KCNIP4: variants seen among roughly 807,000 people sequenced by gnomAD.
KCNIP4 encodes Kv channel-interacting protein 4.
In KCNIP4, 12 loss-of-function variants were observed where a neutral mutation model predicts 34.0. The ratio of observed to expected loss-of-function variants is 0.35; its 90% CI spans 0.23 to 0.57. The LOEUF (loss-of-function observed/expected upper bound fraction) is 0.57. KCNIP4 is among the 20% of genes least tolerant of loss of function. KCNIP4 has a pLI of 0.83. For synonymous variants in KCNIP4, 124 were observed against 102.2 expected, an observed-to-expected ratio of 1.21 and a Z score of -1.29; for missense variants, 238 against 311.7, an observed-to-expected ratio of 0.76 and a Z score of 1.78.
rs556559599 is a variant in KCNIP4, at chr4:20,897,335, A to C, written c.62-14626T>G. Among the ~76,000 whole-genome samples, 6 of 151,984 alleles carry C rather than the reference A, an allele frequency of 3.9e-5. No homozygotes were observed. The South Asian group carries it at 1.2e-3, about 32-fold the overall frequency. ...GTGCCTGAAATGTCTCCTCTCAAAA[A>C]TCTTCAAGATCTCTCCCTTACCTCC... On this transcript the variant is annotated intron_variant, in intron 1 of 8. Coordinates refer to ENST00000382152, the MANE Select transcript of KCNIP4 (RefSeq NM_025221.6).
chr4:21,472,748 CA>C (rs2109809429), intron 1 of KCNIP4, among the ~76,000 whole-genome samples: 1 of 152,260 alleles, frequency 6.6e-6, no homozygotes, highest in East Asian at 1.9e-4. Context: ...GATCTGTATT[CA>C]ATCCTTGGTT....
At chr4:20,961,840 G>C (rs185732858) in intron 1 of KCNIP4, among the ~76,000 whole-genome samples, 2 of 151,966 alleles carry the variant, frequency 1.3e-5, no homozygotes, top group African/African-American at 4.8e-5. Context: ...ACACAACTTG[G>C]GAATATCTGC....
intron 1 of KCNIP4, among the ~76,000 whole-genome samples, chr4:21,510,602 T>G (rs1380274083): frequency 6.6e-6 from 1 of 152,172 alleles, no homozygotes; most frequent in African/African-American, 2.4e-5. Context: ...ATTTACTGGT[T>G]GCTAGTTACT....
At chr4:21,551,362 A>G (rs1338902630) in intron 1 of KCNIP4, among the ~76,000 whole-genome samples, 1 of 152,090 alleles carries the variant, frequency 6.6e-6, no homozygotes, top group Non-Finnish European at 1.5e-5. Context: ...ATTTTACCAC[A>G]CTGAATAACT....
At chr4:21,575,895 C>T (rs1336570736) in intron 1 of KCNIP4, among the ~76,000 whole-genome samples, 5 of 152,126 alleles carry the variant, frequency 3.3e-5, no homozygotes, top group African/African-American at 1.2e-4. Context: ...GCAGACAACC[C>T]TTAGAATGGT....
chr4:21,443,807 C>T (rs1400760490), intron 1 of KCNIP4, among the ~76,000 whole-genome samples: 1 of 152,018 alleles, frequency 6.6e-6, no homozygotes, highest in East Asian at 1.9e-4. Flanking sequence ...GTCATTTGTG[C>T]CTGAAGGTCC....
intron 1 of KCNIP4, among the ~76,000 whole-genome samples, chr4:20,884,724 T>TC (rs1553911495): frequency 1.5e-4 from 22 of 150,652 alleles, no homozygotes; most frequent in Admixed American, 8.6e-4. Context: ...TTTTTTTTTT[T>TC]CAAGACAGAG....
chr4:21,400,522 T>TCCC, intron 1 of KCNIP4, among the ~76,000 whole-genome samples: 1 of 33,962 alleles, frequency 2.9e-5, no homozygotes, highest in African/African-American at 1.5e-4. Flanking sequence ...CCTCTTCTCT[T>TCCC]CTCTTCTCTT....
intron 1 of KCNIP4, among the ~76,000 whole-genome samples, chr4:21,917,151 T>C (rs1043734438): frequency 1.4e-5 from 2 of 147,378 alleles, no homozygotes; most frequent in African/African-American, 4.9e-5. Context: ...GTTTGTTTGT[T>C]TGAGACAGAG....
chr4:21,572,903 A>G (rs1740467793), intron 1 of KCNIP4, among the ~76,000 whole-genome samples: 1 of 152,178 alleles, frequency 6.6e-6, no homozygotes, highest in African/African-American at 2.4e-5. Context: ...CTGGGATTAT[A>G]GGCGTGAGCC....
chr4:21,860,716 C>G (rs1430042649), intron 1 of KCNIP4, among the ~76,000 whole-genome samples: 2 of 151,856 alleles, frequency 1.3e-5, no homozygotes, highest in Admixed American at 6.6e-5. Context: ...CATTTAGAGC[C>G]CAGATCTCAA....
chr4:21,771,375 G>T (rs1340341166), intron 1 of KCNIP4, among the ~76,000 whole-genome samples: 1 of 152,180 alleles, frequency 6.6e-6, no homozygotes, highest in Non-Finnish European at 1.5e-5. Context: ...CAAGTAGTGT[G>T]ATAACTCCAG....
At chr4:21,736,194 T>C (rs1436225903) in intron 1 of KCNIP4, among the ~76,000 whole-genome samples, 1 of 152,166 alleles carries the variant, frequency 6.6e-6, no homozygotes, top group Non-Finnish European at 1.5e-5. Flanking sequence ...TGGTCATGTA[T>C]ACTGAGTGAA....
intron 1 of KCNIP4, among the ~76,000 whole-genome samples, chr4:21,005,055 T>C (rs1738441304): frequency 6.6e-6 from 1 of 152,166 alleles, no homozygotes. Flanking sequence ...CTCATGTGAA[T>C]AGCAAAAGTA....
At chr4:21,865,310 AAAC>A (rs1725348807) in intron 1 of KCNIP4, among the ~76,000 whole-genome samples, 1 of 150,836 alleles carries the variant, frequency 6.6e-6, no homozygotes. Flanking sequence ...AAACACAAAC[AAAC>A]AAAAAAAAAA....
intron 1 of KCNIP4, among the ~76,000 whole-genome samples, chr4:21,346,444 C>A (rs1276319725): frequency 2.0e-5 from 3 of 149,182 alleles, no homozygotes; most frequent in Non-Finnish European, 4.4e-5. Flanking sequence ...TAAACCTAAC[C>A]AAGATTCGTA....
At chr4:20,730,234 C>G in intron 8 of KCNIP4, 105 bp from the exon 9 acceptor site, 1 of 1,363,258 alleles carries the variant, frequency 7.3e-7, no homozygotes, top group Admixed American at 2.6e-5. Context: ...CCTCAACCAC[C>G]TATGCCAAAA....
At chr4:21,712,028 G>A (rs1713768506) in intron 1 of KCNIP4, among the ~76,000 whole-genome samples, 1 of 152,056 alleles carries the variant, frequency 6.6e-6, no homozygotes, top group African/African-American at 2.4e-5. Context: ...CTAAAGCATT[G>A]TGGAACATCA....
In KCNIP4 at chr4:20,730,138, G is replaced by C; in HGVS notation, c.706-9C>G. The C allele has an allele frequency of 6.2e-7, 1 of 1,601,880 alleles. No individual in the cohort carries two copies. The highest frequency in any genetic ancestry group is 8.5e-7 in the Non-Finnish European group (1 of 1,175,264). ...CGCATTATGTTTTCATCCTGTAAGG[G>C]AGAAACACAGAGCGATTAAATTCAG... On this transcript the variant is annotated splice_polypyrimidine_tract_variant and intron_variant, in intron 8 of 8. Coordinates refer to ENST00000382152, the MANE Select transcript of KCNIP4 (RefSeq NM_025221.6).
Sources: gnomAD v4.1 joint callset for allele counts (sites outside exome capture counted in the v4.1 genomes callset) on GRCh38, gnomAD v4.1.1 for gene constraint, MANE v1.5 for transcripts, NCBI Gene and HGNC (gene_info 2026-07-23, HGNC 2026-07-21) for gene names.